GRID2: variants seen among roughly 807,000 people sequenced by gnomAD.
GRID2 encodes glutamate ionotropic receptor delta type subunit 2.
In GRID2, 33 loss-of-function variants were observed where a neutral mutation model predicts 114.8. That is an observed-to-expected ratio of 0.29 (90% CI 0.22 to 0.38). The LOEUF (loss-of-function observed/expected upper bound fraction) is 0.38. GRID2 is among the 10% of genes least tolerant of loss of function. GRID2 has a pLI of 1.00. For missense variants in GRID2, 1,184 were observed against 1,257.7 expected (o/e 0.94, Z 0.89); for synonymous variants, 505 against 449.9 (o/e 1.12, Z -1.55).
chr4:92,474,350 T>C (rs79620037), intron 1 of GRID2, among the ~76,000 whole-genome samples: 1,926 of 152,218 alleles, frequency 0.013, 35 homozygotes, highest in African/African-American at 0.037. Flanking sequence ...TGGCAAGATT[T>C]ACTTATATTT....
chr4:92,473,490 T>C (rs1722143778), intron 1 of GRID2, among the ~76,000 whole-genome samples: 1 of 152,112 alleles, frequency 6.6e-6, no homozygotes, highest in Non-Finnish European at 1.5e-5. Context: ...TTCTTGACTT[T>C]TTCCTGATCT....
chr4:93,157,042 G>C (rs981045367), intron 4 of GRID2, among the ~76,000 whole-genome samples: 1 of 150,602 alleles, frequency 6.6e-6, no homozygotes, highest in East Asian at 1.9e-4. Flanking sequence ...GAATGAGACT[G>C]TGTCCTGCAC....
At chr4:92,326,035 G>GA (rs1212435869) in intron 1 of GRID2, among the ~76,000 whole-genome samples, 7 of 151,262 alleles carry the variant, frequency 4.6e-5, no homozygotes, top group South Asian at 2.1e-4. Context: ...ATGCTTACAT[G>GA]AAAAAAAATA....
chr4:93,414,394 G>A (rs1767500199), intron 9 of GRID2, among the ~76,000 whole-genome samples: 1 of 152,006 alleles, frequency 6.6e-6, no homozygotes, highest in Admixed American at 6.6e-5. Context: ...CATCATCATA[G>A]TGGCCTAAAG....
intron 13 of GRID2, among the ~76,000 whole-genome samples, chr4:93,602,279 A>T (rs1432877457): frequency 1.3e-5 from 2 of 152,154 alleles, no homozygotes; most frequent in African/African-American, 4.8e-5. Flanking sequence ...AAGGCAATCA[A>T]TTTAGTTAAG....
chr4:93,193,455 T>A (rs901174083), intron 4 of GRID2, among the ~76,000 whole-genome samples: 2 of 152,134 alleles, frequency 1.3e-5, no homozygotes, highest in Non-Finnish European at 2.9e-5. Flanking sequence ...GATGGTTTTA[T>A]AGGGGCTTTT....
chr4:92,704,226 C>T (rs1317505421), intron 2 of GRID2, among the ~76,000 whole-genome samples: 13 of 152,016 alleles, frequency 8.6e-5, no homozygotes, highest in African/African-American at 2.9e-4. Context: ...TGCAGTGAGC[C>T]GAGATCGCGC....
chr4:93,408,876 A>G (rs1560589849), intron 9 of GRID2, among the ~76,000 whole-genome samples: 1 of 152,152 alleles, frequency 6.6e-6, no homozygotes, highest in African/African-American at 2.4e-5. Flanking sequence ...ACCGTGCTTC[A>G]TAATAAAATC....
intron 1 of GRID2, among the ~76,000 whole-genome samples, chr4:92,393,876 T>C (rs969172140): frequency 1.3e-5 from 2 of 152,204 alleles, no homozygotes; most frequent in Non-Finnish European, 2.9e-5. Flanking sequence ...ATTTCTATCA[T>C]ATTAGTGTTG....
At chr4:93,338,199 A>G (rs377150862) in intron 8 of GRID2, among the ~76,000 whole-genome samples, 1 of 152,132 alleles carries the variant, frequency 6.6e-6, no homozygotes, top group East Asian at 1.9e-4. Context: ...ATATTTTCTC[A>G]TTTTTTTGGT....
chr4:92,748,529 A>T (rs1737267863), intron 2 of GRID2, among the ~76,000 whole-genome samples: 1 of 152,012 alleles, frequency 6.6e-6, no homozygotes, highest in African/African-American at 2.4e-5. Context: ...CTTTCACAGT[A>T]TATTGTCCAA....
chr4:92,700,874 C>G (rs1734640624), intron 2 of GRID2, among the ~76,000 whole-genome samples: 1 of 152,020 alleles, frequency 6.6e-6, no homozygotes. Context: ...CGCCTGTAGT[C>G]CCAGCTACGC....
chr4:93,363,914 C>G (rs1182791029), intron 8 of GRID2, among the ~76,000 whole-genome samples: 4 of 152,040 alleles, frequency 2.6e-5, no homozygotes, highest in African/African-American at 9.6e-5. Context: ...TCCAACTTCT[C>G]TTCCAATCAT....
chr4:93,359,054 G>A (rs894549824), intron 8 of GRID2, among the ~76,000 whole-genome samples: 1 of 152,020 alleles, frequency 6.6e-6, no homozygotes, highest in Non-Finnish European at 1.5e-5. Flanking sequence ...ACTCACCTCA[G>A]CTGGGCTTGC....
intron 1 of GRID2, among the ~76,000 whole-genome samples, chr4:92,580,617 T>C (rs184791226): frequency 4.3e-3 from 653 of 152,024 alleles, no homozygotes; most frequent in Non-Finnish European, 7.5e-3. Flanking sequence ...GCCTACACTA[T>C]ATTATTTGTG....
At chr4:93,071,452 A>T (rs995118863) in intron 2 of GRID2, among the ~76,000 whole-genome samples, 2 of 152,172 alleles carry the variant, frequency 1.3e-5, no homozygotes, top group African/African-American at 2.4e-5. Context: ...AGGAAGAAAG[A>T]GTAAAAATAG....
In GRID2 at chr4:93,568,052, CAA is replaced by C. The variant is rs558005406; in HGVS notation, c.2193+52643_2193+52644del. Among the ~76,000 whole-genome samples the C allele has an allele frequency of 1.6e-3, 246 of 152,218 alleles. 2 individuals carry two copies. Among genetic ancestry groups the C allele is most frequent in the African/African-American group, 5.5e-3 (229 of 41,554 alleles). ...TATGAGCCTAAAAGTCAGTCAGACA[CAA>C]ATAGATACAATCTCAGCTCTGCCCT... On this transcript the variant is annotated intron_variant, in intron 13 of 15. Coordinates refer to ENST00000282020, the MANE Select transcript of GRID2 (RefSeq NM_001510.4).
intron 2 of GRID2, among the ~76,000 whole-genome samples, chr4:92,784,335 T>G (rs986866639): frequency 6.6e-6 from 1 of 151,954 alleles, no homozygotes; most frequent in Non-Finnish European, 1.5e-5. Context: ...TTTGAAACAT[T>G]CCCTTAACAA....
intron 2 of GRID2, among the ~76,000 whole-genome samples, chr4:92,792,826 T>A (rs1234334778): frequency 3.3e-5 from 5 of 151,670 alleles, no homozygotes; most frequent in Admixed American, 6.6e-5. Flanking sequence ...AATGCCAGTC[T>A]ACGATCTGTA....
Sources: allele counts gnomAD v4.1 joint callset (sites outside exome capture counted in the v4.1 genomes callset), GRCh38; gene constraint gnomAD v4.1.1; transcripts MANE v1.5; gene names NCBI Gene and HGNC (gene_info 2026-07-23, HGNC 2026-07-21).